Variants in FBXO17 observed in about 807,000 individuals in gnomAD.
FBXO17 encodes the protein F-box protein 17.
A neutral mutation model predicts 34.1 loss-of-function variants in FBXO17; 43 were observed. The ratio of observed to expected loss-of-function variants is 1.26; its 90% CI spans 0.99 to 1.62. FBXO17 has a LOEUF of 1.62. Ranked by LOEUF, FBXO17 falls within the 40% of genes most tolerant of loss-of-function variation. The probability of loss-of-function intolerance (pLI) is 0.00; values close to 1 mark genes in which losing one functional copy is unlikely to be tolerated. For synonymous variants in FBXO17, 169 were observed against 166.0 expected (o/e 1.02, Z -0.14); for missense variants, 424 against 386.7 (o/e 1.10, Z -0.81).
chr19:38,942,508 C>T lies in FBXO17; in HGVS notation c.*100G>A, dbSNP rs1465588088. The T allele has an allele frequency of 6.2e-6, 8 of 1,295,728 alleles. No homozygotes were observed. The highest frequency in any genetic ancestry group is 3.0e-5 in the Admixed American group (1 of 33,052). The allele number at this position is 1,295,728 out of a possible 1,614,324, so 80.3% of individuals were successfully genotyped here. On this transcript the variant is annotated 3_prime_UTR_variant, in exon 6 of 6. Coordinates refer to ENST00000292852, the MANE Select transcript of FBXO17 (RefSeq NM_024907.7). The stretch of plus-strand genomic sequence containing the variant: ...AACTCCCGAGCTCCAGTGATCCTCC[C>T]ACCTCGGCCTCCTGAAGTGCTGGGA...
rs1351219189 is a variant in FBXO17, at chr19:38,945,123, C to T, written c.558-19G>A. On this transcript the variant is annotated intron_variant, in intron 4 of 5. Transcript: ENST00000292852. The stretch of plus-strand genomic sequence containing the variant: ...GCCCCACCTGCCAGGCAGCAGTCAG[C>T]CTCTATGCCCCCGTCACCCAGCCAG... 4 of 1,613,166 alleles carry T rather than the reference C, an allele frequency of 2.5e-6. No homozygotes were observed. Among genetic ancestry groups the T allele is most frequent in the East Asian group, 4.5e-5 (2 of 44,898 alleles).
Position 38,949,763 on chromosome 19 carries a change from C to T in FBXO17, c.349+208G>A, listed in dbSNP as rs1235269744. On this transcript the variant is annotated intron_variant, in intron 2 of 5. Coordinates refer to ENST00000292852, the MANE Select transcript of FBXO17 (RefSeq NM_024907.7). ...CCCAGCCAGGGTCTTCCTGCCTTGC[C>T]CCGCCCACTCGTTCGGATTCCCGGC... 25 of 638,372 alleles carry T rather than the reference C, an allele frequency of 3.9e-5. No individual in the cohort carries two copies. In the South Asian group the frequency reaches 4.7e-4, roughly 12 times the overall value. 39.5% of individuals were successfully genotyped at this position (638,372 alleles called of 1,614,324 possible).
chr19:38,957,070 A>T (rs1215189306), intron 1 of FBXO17, among the ~76,000 whole-genome samples: 1 of 151,972 alleles, frequency 6.6e-6, no homozygotes, highest in Non-Finnish European at 1.5e-5. Flanking sequence ...GACTTTACAA[A>T]GACCAAGCTG....
At chr19:38,944,809 C>T (rs1389487955) in intron 5 of FBXO17, 160 bp downstream of exon 5, 8 of 979,206 alleles carry the variant, frequency 8.2e-6, no homozygotes, top group Non-Finnish European at 1.1e-5. Flanking sequence ...GATATGTAAG[C>T]GTCTTGACAC....
chr19:38,968,649 C>T (rs1049558237), intron 1 of FBXO17, among the ~76,000 whole-genome samples: 1 of 152,108 alleles, frequency 6.6e-6, no homozygotes, highest in East Asian at 1.9e-4. Context: ...TTTGGAAACA[C>T]TCCAAATGTC....
At chr19:38,952,733 T>G (rs945745721) in intron 1 of FBXO17, 2 of 481,826 alleles carry the variant, frequency 4.2e-6, no homozygotes, top group Middle Eastern at 3.2e-4. Context: ...TTCCCTGACC[T>G]CTCTCTAGTG....
At chr19:38,968,923 G>A (rs1975354763) in intron 1 of FBXO17, among the ~76,000 whole-genome samples, 1 of 152,082 alleles carries the variant, frequency 6.6e-6, no homozygotes, top group Non-Finnish European at 1.5e-5. Context: ...AGGCACAAGG[G>A]ATATTTTGGG....
rs934449581 is a variant in FBXO17, at chr19:38,975,601, G to C, written c.-33C>G. The stretch of plus-strand genomic sequence containing the variant: ...CGGCGCTCACCTGGCGGGCTGCTCG[G>C]AGGCGGCAGCGGCGGGCTAAGCTTC... On this transcript the variant is annotated 5_prime_UTR_variant, in exon 1 of 6. Transcript: ENST00000292852. The surrounding 1 kb of genome is among the most constrained non-coding windows in gnomAD (Gnocchi z 4.9). 2.0e-5 allele frequency: 3 copies of C among 152,488 alleles called. No homozygotes were observed. The highest frequency in any genetic ancestry group is 2.0e-4 in the Admixed American group (3 of 15,292). The allele number at this position is 152,488 out of a possible 1,614,324, so 9.4% of individuals were successfully genotyped here.
chr19:38,957,611 T>TG (rs1449395274), intron 1 of FBXO17, among the ~76,000 whole-genome samples: 1 of 152,186 alleles, frequency 6.6e-6, no homozygotes. Context: ...CCCAAAGTGC[T>TG]GGGATTACAG....
At chr19:38,970,359 C>T (rs1335354657) in intron 1 of FBXO17, among the ~76,000 whole-genome samples, 1 of 152,014 alleles carries the variant, frequency 6.6e-6, no homozygotes, top group Non-Finnish European at 1.5e-5. Flanking sequence ...AGGCACACAC[C>T]ACCATGCCTG....
At chr19:38,971,793 A>G (rs1975394317) in intron 1 of FBXO17, among the ~76,000 whole-genome samples, 1 of 152,114 alleles carries the variant, frequency 6.6e-6, no homozygotes, top group Non-Finnish European at 1.5e-5. Flanking sequence ...CCAATTAAAA[A>G]AAAAAAAAGA....
chr19:38,947,202 CCTT>C (rs1455830335), intron 3 of FBXO17: 1 of 153,032 alleles, frequency 6.5e-6, no homozygotes, highest in African/African-American at 2.4e-5. Context: ...TGTAAACAGT[CCTT>C]CTCCTCAAAC....
chr19:38,961,902 A>G (rs904480298), intron 1 of FBXO17, among the ~76,000 whole-genome samples: 1 of 151,792 alleles, frequency 6.6e-6, no homozygotes, highest in Admixed American at 6.6e-5. Flanking sequence ...AGCTCAAGTG[A>G]TCCGCCTGCG....
At chr19:38,959,902 C>T (rs1281546520) in intron 1 of FBXO17, among the ~76,000 whole-genome samples, 21 of 151,724 alleles carry the variant, frequency 1.4e-4, no homozygotes, top group Admixed American at 1.2e-3. Context: ...TCTCCAAAAA[C>T]AAACAAATAA....
intron 1 of FBXO17, among the ~76,000 whole-genome samples, chr19:38,966,938 A>G (rs1043919025): frequency 1.3e-5 from 2 of 152,222 alleles, no homozygotes; most frequent in African/African-American, 4.8e-5. Flanking sequence ...AAGAGTTAAA[A>G]CTATAAAACT....
chr19:38,954,135 G>C (rs1425792428), intron 1 of FBXO17, among the ~76,000 whole-genome samples: 2 of 152,062 alleles, frequency 1.3e-5, no homozygotes, highest in Non-Finnish European at 2.9e-5. Flanking sequence ...GCCTGGCCAG[G>C]GGGCTGTGTT....
At chr19:38,948,501 G>T (rs1471196733) in intron 3 of FBXO17, 66 bp downstream of exon 3, 1 of 1,251,158 alleles carries the variant, frequency 8.0e-7, no homozygotes, top group Non-Finnish European at 1.1e-6. Flanking sequence ...GACAGTGTGG[G>T]GGGTAGGGTC....
At chr19:38,959,184 A>T (rs1975211399) in intron 1 of FBXO17, among the ~76,000 whole-genome samples, 1 of 144,888 alleles carries the variant, frequency 6.9e-6, no homozygotes, top group South Asian at 2.2e-4. Context: ...TGCTGGGATT[A>T]TAGGTAGGAG....
At chr19:38,942,931 G>A (rs1771221505) in intron 5 of FBXO17, among the ~76,000 whole-genome samples, 180 bp from the exon 6 acceptor site, 1 of 152,222 alleles carries the variant, frequency 6.6e-6, no homozygotes, top group Non-Finnish European at 1.5e-5. Context: ...CTAGCAGGGG[G>A]CCCAGACACT....
Sources: allele counts gnomAD v4.1 joint callset (sites outside exome capture counted in the v4.1 genomes callset), GRCh38; gene constraint gnomAD v4.1.1; non-coding constraint Gnocchi (gnomAD v3.1); transcripts MANE v1.5; gene names NCBI Gene and HGNC (gene_info 2026-07-23, HGNC 2026-07-21).